Variants in LRRC4C observed in about 807,000 individuals in gnomAD.
LRRC4C encodes the protein leucine rich repeat containing 4C, also known as leucine-rich repeat-containing protein 4C.
LRRC4C carries 5 observed loss-of-function variants against 33.6 expected under a neutral mutation model. The observed-to-expected ratio is 0.15, with a 90% CI of 0.08 to 0.31. LRRC4C has a LOEUF of 0.31. LRRC4C is among the 10% of genes least tolerant of loss of function. The pLI, the probability that LRRC4C is intolerant of heterozygous loss-of-function variation, is 1.00. For synonymous variants in LRRC4C, 329 were observed against 302.0 expected, an observed-to-expected ratio of 1.09 and a Z score of -0.93; for missense variants, 560 against 796.7, an observed-to-expected ratio of 0.70 and a Z score of 3.58.
At chr11:40,209,157 C>T (rs1034301886) in intron 5 of LRRC4C, among the ~76,000 whole-genome samples, 3 of 152,154 alleles carry the variant, frequency 2.0e-5, no homozygotes, top group African/African-American at 7.2e-5. Context: ...TGGTCTAGTA[C>T]ATAAATTAGT....
At chr11:41,107,161 T>C (rs745992088) in intron 1 of LRRC4C, among the ~76,000 whole-genome samples, 18 of 151,830 alleles carry the variant, frequency 1.2e-4, no homozygotes, top group Non-Finnish European at 2.4e-4. Context: ...AATGAGCATT[T>C]CCTTTGAGTG....
At chr11:40,556,875 A>G (rs1957353362) in intron 3 of LRRC4C, among the ~76,000 whole-genome samples, 1 of 152,194 alleles carries the variant, frequency 6.6e-6, no homozygotes, top group Non-Finnish European at 1.5e-5. Context: ...TAAGATTATT[A>G]AAAGTTGGAG....
chr11:40,902,634 G>T (rs538131143), intron 2 of LRRC4C, among the ~76,000 whole-genome samples: 9 of 152,210 alleles, frequency 5.9e-5, no homozygotes, highest in African/African-American at 2.2e-4. Flanking sequence ...TTTTTGAAGG[G>T]AATTAAAAGT....
chr11:40,796,492 C>A (rs1377603317), intron 2 of LRRC4C, among the ~76,000 whole-genome samples: 1 of 152,044 alleles, frequency 6.6e-6, no homozygotes, highest in African/African-American at 2.4e-5. Flanking sequence ...TGCTTGATGG[C>A]ATTAATAAGT....
In LRRC4C at chr11:41,071,966, T is replaced by C. The variant is rs562567996; in HGVS notation, c.-495-138243A>G. On this transcript the variant is annotated intron_variant, in intron 1 of 6. Coordinates refer to ENST00000528697, the MANE Select transcript of LRRC4C (RefSeq NM_001258419.2). ...GATAGAAATAGCAACAGAATGCAAA[T>C]AAGAATTGCAGCCCGGAGATGTGAC... Among the ~76,000 whole-genome samples, 9 of 152,188 alleles carry C rather than the reference T, an allele frequency of 5.9e-5. No individual in the cohort carries two copies. The East Asian group carries it at 1.7e-3, about 29-fold the overall frequency.
At chr11:40,797,340 T>C (rs1950874659) in intron 2 of LRRC4C, among the ~76,000 whole-genome samples, 1 of 152,034 alleles carries the variant, frequency 6.6e-6, no homozygotes, top group Admixed American at 6.6e-5. Flanking sequence ...CTGTGGGGCA[T>C]CTGAGAGAAG....
intron 1 of LRRC4C, among the ~76,000 whole-genome samples, chr11:41,216,098 A>G (rs1239355886): frequency 1.3e-5 from 2 of 152,244 alleles, no homozygotes; most frequent in Non-Finnish European, 2.9e-5. Context: ...TTCTTAAAGA[A>G]GCAAATGTCT....
At chr11:41,071,459 G>C (rs909828923) in intron 1 of LRRC4C, among the ~76,000 whole-genome samples, 6 of 151,998 alleles carry the variant, frequency 3.9e-5, no homozygotes. Flanking sequence ...AAAAAGTTTA[G>C]AGCCCTTACA....
intron 2 of LRRC4C, among the ~76,000 whole-genome samples, chr11:40,678,661 G>C (rs1181038211): frequency 6.6e-6 from 1 of 151,986 alleles, no homozygotes; most frequent in South Asian, 2.1e-4. Context: ...TTTATAAAGG[G>C]TAATTCCCCT....
intron 1 of LRRC4C, among the ~76,000 whole-genome samples, chr11:41,118,873 A>G (rs1428428904): frequency 6.6e-6 from 1 of 151,008 alleles, no homozygotes; most frequent in Non-Finnish European, 1.5e-5. Flanking sequence ...AGAGTGTCCT[A>G]TTTATGAAGC....
At chr11:40,364,838 GAC>G (rs1191882936) in intron 3 of LRRC4C, among the ~76,000 whole-genome samples, 3 of 151,876 alleles carry the variant, frequency 2.0e-5, no homozygotes, top group East Asian at 3.9e-4. Context: ...AGATAAAAAA[GAC>G]AGACTTCTTA....
intron 1 of LRRC4C, among the ~76,000 whole-genome samples, chr11:41,382,564 G>A (rs12797508): frequency 0.25 from 38,498 of 151,862 alleles, 5,666 homozygotes; most frequent in East Asian, 0.43. Context: ...AATTCACTAA[G>A]TAATAAGAAA....
intron 2 of LRRC4C, among the ~76,000 whole-genome samples, chr11:40,750,109 C>T (rs1948607629): frequency 6.6e-6 from 1 of 151,992 alleles, no homozygotes; most frequent in Admixed American, 6.6e-5. Flanking sequence ...GTAATCCCAG[C>T]TATTTGGGAG....
At chr11:41,171,174 A>G (rs1216477582) in intron 1 of LRRC4C, among the ~76,000 whole-genome samples, 7 of 152,084 alleles carry the variant, frequency 4.6e-5, no homozygotes, top group South Asian at 4.1e-4. Flanking sequence ...AACTAGTTCA[A>G]CCATTGTGGA....
intron 1 of LRRC4C, among the ~76,000 whole-genome samples, chr11:41,369,106 C>G (rs12225568): frequency 6.6e-6 from 1 of 151,764 alleles, no homozygotes; most frequent in African/African-American, 2.4e-5. Context: ...ATATGTTAAA[C>G]GAAAAATCTA....
chr11:41,267,599 C>A (rs1477248466), intron 1 of LRRC4C, among the ~76,000 whole-genome samples: 1 of 152,126 alleles, frequency 6.6e-6, no homozygotes, highest in Admixed American at 6.6e-5. Flanking sequence ...CGCTTAGAAT[C>A]TGCCAAAAAG....
intron 1 of LRRC4C, among the ~76,000 whole-genome samples, chr11:41,075,979 G>GT (rs56020067): frequency 0.98 from 149,837 of 152,284 alleles, 73,765 homozygotes; most frequent in East Asian, 1. Flanking sequence ...TACATTCATT[G>GT]TCTATTTCAA....
At chr11:40,506,688 G>A (rs944058476) in intron 3 of LRRC4C, among the ~76,000 whole-genome samples, 1 of 151,700 alleles carries the variant, frequency 6.6e-6, no homozygotes, top group Non-Finnish European at 1.5e-5. Context: ...CATAAAAATA[G>A]CCATAAAAAT....
chr11:40,515,256 C>T (rs1262372608), intron 3 of LRRC4C, among the ~76,000 whole-genome samples: 1 of 151,998 alleles, frequency 6.6e-6, no homozygotes, highest in East Asian at 1.9e-4. Flanking sequence ...CTTAGCAATA[C>T]TAAGCATATT....
Sources: allele counts gnomAD v4.1 joint callset (sites outside exome capture counted in the v4.1 genomes callset), GRCh38; gene constraint gnomAD v4.1.1; transcripts MANE v1.5; gene names NCBI Gene and HGNC (gene_info 2026-07-23, HGNC 2026-07-21).